RNF13: variants seen among roughly 807,000 people sequenced by gnomAD.
RNF13 encodes the protein E3 ubiquitin-protein ligase RNF13.
Under a neutral mutation model 37.7 loss-of-function variants are expected in RNF13, and 19 were observed. That is an observed-to-expected ratio of 0.50 (90% CI 0.35 to 0.74). The LOEUF (loss-of-function observed/expected upper bound fraction) is 0.74, where lower values mean the gene tolerates loss of function less well. Ranked by LOEUF, RNF13 falls within the 30% of genes least tolerant of loss-of-function variation. The pLI is 0.01. For synonymous variants in RNF13, 144 were observed against 157.8 expected, an observed-to-expected ratio of 0.91 and a Z score of 0.65; for missense variants, 375 against 453.0, an observed-to-expected ratio of 0.83 and a Z score of 1.56.
intron 1 of RNF13, among the ~76,000 whole-genome samples, chr3:149,842,089 C>G (rs1722238978): frequency 6.6e-6 from 1 of 152,072 alleles, no homozygotes; most frequent in Admixed American, 6.6e-5. Context: ...CTTTTTCCAC[C>G]TGTCTTTGAA....
intron 3 of RNF13, among the ~76,000 whole-genome samples, chr3:149,865,969 A>G (rs1358786772): frequency 6.6e-6 from 1 of 152,178 alleles, no homozygotes; most frequent in African/African-American, 2.4e-5. Context: ...AGAGCAGCCC[A>G]GAGGGCTCCT....
At chr3:149,915,349 A>G (rs1027777798) in intron 7 of RNF13, among the ~76,000 whole-genome samples, 2 of 152,196 alleles carry the variant, frequency 1.3e-5, no homozygotes. Context: ...GGTAAAAGAA[A>G]ACTTTGGTTT....
At chr3:149,892,984 G>A (rs1213929323) in intron 4 of RNF13, among the ~76,000 whole-genome samples, 1 of 152,192 alleles carries the variant, frequency 6.6e-6, no homozygotes, top group East Asian at 1.9e-4. Context: ...GGAGATAATG[G>A]AATTTGAAGT....
intron 4 of RNF13, among the ~76,000 whole-genome samples, chr3:149,884,861 G>T (rs1357776842): frequency 1.1e-4 from 17 of 150,308 alleles, no homozygotes; most frequent in African/African-American, 4.1e-4. Flanking sequence ...GTGTGTGTGT[G>T]TGTGGTTTTT....
intron 8 of RNF13, among the ~76,000 whole-genome samples, chr3:149,926,805 C>T (rs538987321): frequency 2.6e-5 from 4 of 152,034 alleles, no homozygotes; most frequent in South Asian, 4.2e-4. Context: ...ATTGTTTAAC[C>T]GTTTATCAGT....
intron 8 of RNF13, among the ~76,000 whole-genome samples, chr3:149,954,647 G>C (rs1210432087): frequency 6.6e-6 from 1 of 151,980 alleles, no homozygotes; most frequent in Non-Finnish European, 1.5e-5. Flanking sequence ...CACACTTTGG[G>C]GACAGGATCT....
intron 3 of RNF13, among the ~76,000 whole-genome samples, chr3:149,856,593 G>C (rs1358249187): frequency 6.6e-6 from 1 of 151,780 alleles, no homozygotes; most frequent in Non-Finnish European, 1.5e-5. Context: ...ATGGGAGTGT[G>C]CTACTGTGCC....
chr3:149,903,929 A>ATCTG (rs897028375), intron 6 of RNF13, among the ~76,000 whole-genome samples: 99 of 147,504 alleles, frequency 6.7e-4, no homozygotes, highest in African/African-American at 1.3e-3. Context: ...CTATCTATAT[A>ATCTG]TCTGTCTATC....
At chr3:149,910,624 T>C (rs1358126274) in intron 6 of RNF13, among the ~76,000 whole-genome samples, 1 of 152,230 alleles carries the variant, frequency 6.6e-6, no homozygotes, top group Non-Finnish European at 1.5e-5. Flanking sequence ...AAATCTGTTA[T>C]TTTCCTTTAT....
chr3:149,926,109 A>G (rs887012480), intron 8 of RNF13, among the ~76,000 whole-genome samples: 17 of 152,186 alleles, frequency 1.1e-4, no homozygotes, highest in Non-Finnish European at 2.4e-4. Flanking sequence ...GAGTATGGCA[A>G]TTTAGTTCTT....
At chr3:149,914,377 A>G (rs1201356676) in intron 7 of RNF13, among the ~76,000 whole-genome samples, 2 of 152,124 alleles carry the variant, frequency 1.3e-5, no homozygotes, top group Non-Finnish European at 2.9e-5. Flanking sequence ...AGATTTTTAT[A>G]TATTAATCAT....
intron 4 of RNF13, among the ~76,000 whole-genome samples, chr3:149,885,844 G>A (rs562543401): frequency 3.9e-5 from 6 of 152,154 alleles, no homozygotes; most frequent in Non-Finnish European, 7.4e-5. Context: ...ATGTTTTCTT[G>A]TAGTAATTTC....
chr3:149,907,305 CA>C (rs1425457695), intron 6 of RNF13, among the ~76,000 whole-genome samples: 6 of 152,192 alleles, frequency 3.9e-5, no homozygotes, highest in Non-Finnish European at 8.8e-5. Context: ...TAGAGATAGG[CA>C]TCTTTCCCTT....
At chr3:149,874,718 T>A (rs1028312556) in intron 4 of RNF13, among the ~76,000 whole-genome samples, 1 of 152,142 alleles carries the variant, frequency 6.6e-6, no homozygotes, top group African/African-American at 2.4e-5. Context: ...AGTCATGCCA[T>A]TGTGGAAAGT....
intron 6 of RNF13, among the ~76,000 whole-genome samples, chr3:149,911,480 A>G (rs1462075539): frequency 6.6e-6 from 1 of 152,158 alleles, no homozygotes; most frequent in Admixed American, 6.5e-5. Context: ...CAACATGGCA[A>G]AACCCTCTCT....
intron 7 of RNF13, among the ~76,000 whole-genome samples, chr3:149,913,786 G>C (rs1451707552): frequency 6.6e-6 from 1 of 152,046 alleles, no homozygotes; most frequent in Admixed American, 6.6e-5. Context: ...CATATTTGAG[G>C]GTATATGGTA....
intron 7 of RNF13, among the ~76,000 whole-genome samples, chr3:149,916,583 G>T (rs531538453): frequency 1.0e-3 from 153 of 152,042 alleles, no homozygotes; most frequent in African/African-American, 3.7e-3. Flanking sequence ...ATGAATTTTT[G>T]TTCTTATCAT....
At chr3:149,896,555 C>G (rs1000369910) in intron 5 of RNF13, among the ~76,000 whole-genome samples, 1 of 151,852 alleles carries the variant, frequency 6.6e-6, no homozygotes, top group South Asian at 2.1e-4. Context: ...TGTTGGCTCA[C>G]CGCAACCTCT....
chr3:149,932,305 G>C (rs114001012), intron 8 of RNF13, among the ~76,000 whole-genome samples: 6 of 152,084 alleles, frequency 3.9e-5, no homozygotes, highest in Non-Finnish European at 8.8e-5. Flanking sequence ...CCCACCAGCA[G>C]TGTACGAGTG....
Sources: gnomAD v4.1 joint callset for allele counts (sites outside exome capture counted in the v4.1 genomes callset) on GRCh38, gnomAD v4.1.1 for gene constraint, MANE v1.5 for transcripts, NCBI Gene and HGNC (gene_info 2026-07-23, HGNC 2026-07-21) for gene names.